Variants in NFIB observed in about 807,000 individuals in gnomAD.
NFIB encodes the protein nuclear factor I B.
NFIB carries 11 observed loss-of-function variants against 61.5 expected under a neutral mutation model. The ratio of observed to expected loss-of-function variants is 0.18; its 90% CI spans 0.11 to 0.30. The LOEUF (loss-of-function observed/expected upper bound fraction) is 0.30, where lower values mean the gene tolerates loss of function less well. NFIB is among the 10% of genes least tolerant of loss of function. The probability of loss-of-function intolerance (pLI) is 1.00; values close to 1 mark genes in which losing one functional copy is unlikely to be tolerated. For missense variants in NFIB, 471 were observed against 608.9 expected, an observed-to-expected ratio of 0.77 and a Z score of 2.38; for synonymous variants, 260 against 216.5, an observed-to-expected ratio of 1.20 and a Z score of -1.76.
chr9:14,266,862 T>C (rs563478381), intron 2 of NFIB, among the ~76,000 whole-genome samples: 2 of 152,342 alleles, frequency 1.3e-5, no homozygotes, highest in Admixed American at 1.3e-4. Context: ...TATTGATTTA[T>C]TATTACAAAT....
rs1308420142 is a variant in NFIB at position 14,326,928 on chromosome 9, T to C, written c.109-19408A>G. Among the ~76,000 whole-genome samples the C allele has an allele frequency of 1.3e-5, 2 of 152,194 alleles. 1 individual carries two copies. The highest frequency in any genetic ancestry group is 1.3e-4 in the Admixed American group (2 of 15,268). Reference sequence around the variant, plus strand: ...CTTCCTATCTTGCTTACTCACACTTTTGTGCAACTTTAGAATTTCAACCAT... The same window carrying C: ...CTTCCTATCTTGCTTACTCACACTTCTGTGCAACTTTAGAATTTCAACCAT... On this transcript the variant is annotated intron_variant, in intron 1 of 8. Transcript: ENST00000380934.
the NFIB span, among the ~76,000 whole-genome samples, chr9:14,467,530 TATCCTTTGTCCTGG>T: frequency 6.6e-6 from 1 of 152,218 alleles, no homozygotes; most frequent in South Asian, 2.1e-4. Context: ...GGTGAAGGGA[TATCCTTTGTCCTGG>T]TGCTATAGGG....
the NFIB span, among the ~76,000 whole-genome samples, chr9:14,526,592 CT>C: frequency 6.6e-6 from 1 of 152,142 alleles, no homozygotes; most frequent in Non-Finnish European, 1.5e-5. Flanking sequence ...TCCTGCCCTG[CT>C]AAATTTTCCT....
intron 2 of NFIB, among the ~76,000 whole-genome samples, chr9:14,252,131 A>C (rs2132141430): frequency 6.6e-6 from 1 of 152,320 alleles, no homozygotes; most frequent in Admixed American, 6.5e-5. Context: ...TCACTCCCTA[A>C]TGCAGAGAAT....
the NFIB span, among the ~76,000 whole-genome samples, chr9:14,427,530 A>G: frequency 2.2e-3 from 328 of 152,246 alleles, 1 homozygote; most frequent in Middle Eastern, 6.8e-3. Flanking sequence ...CATGTGCTCA[A>G]TCACTGGACT....
At chr9:14,178,529 C>CT (rs1386271123) in intron 3 of NFIB, among the ~76,000 whole-genome samples, 1 of 151,946 alleles carries the variant, frequency 6.6e-6, no homozygotes, top group African/African-American at 2.4e-5. Flanking sequence ...TTAATTAGAA[C>CT]TTTTTATCTT....
chr9:14,138,134 T>G (rs537880601), intron 6 of NFIB, among the ~76,000 whole-genome samples: 1 of 152,270 alleles, frequency 6.6e-6, no homozygotes, highest in African/African-American at 2.4e-5. Context: ...ATGAGTTTCT[T>G]AAGCATGATC....
chr9:14,508,007 TA>T, the NFIB span, among the ~76,000 whole-genome samples: 1 of 151,610 alleles, frequency 6.6e-6, no homozygotes. Flanking sequence ...TATATATATA[TA>T]TTCATGTCCT....
intron 2 of NFIB, among the ~76,000 whole-genome samples, chr9:14,194,032 T>A (rs1205356867): frequency 6.6e-6 from 1 of 152,208 alleles, no homozygotes; most frequent in African/African-American, 2.4e-5. Context: ...TTGGTGACAG[T>A]CACCACCAAA....
intron 1 of NFIB, among the ~76,000 whole-genome samples, chr9:14,329,883 G>A (rs545569889): frequency 2.2e-4 from 34 of 151,818 alleles, no homozygotes; most frequent in Non-Finnish European, 4.7e-4. Flanking sequence ...CAGCACTTTG[G>A]GAGGCTGAGG....
intron 1 of NFIB, among the ~76,000 whole-genome samples, chr9:14,361,141 C>G (rs1362885567): frequency 6.6e-6 from 1 of 151,600 alleles, no homozygotes; most frequent in Non-Finnish European, 1.5e-5. Context: ...TTGATGAGCA[C>G]ATTTTGGATG....
the NFIB span, among the ~76,000 whole-genome samples, chr9:14,492,730 T>C: frequency 4.6e-5 from 7 of 152,208 alleles, no homozygotes; most frequent in African/African-American, 1.4e-4. Context: ...ACCTCCATCA[T>C]TGGGGATTAC....
intron 4 of NFIB, 118 bp from the exon 5 acceptor site, chr9:14,150,383 C>G: frequency 1.3e-6 from 2 of 1,525,478 alleles, no homozygotes; most frequent in Non-Finnish European, 1.8e-6. Context: ...CTTTCTTCAC[C>G]TTAAGCCTCT....
the NFIB span, among the ~76,000 whole-genome samples, chr9:14,486,123 G>T: frequency 1.3e-5 from 2 of 152,168 alleles, no homozygotes; most frequent in Non-Finnish European, 2.9e-5. Flanking sequence ...ATAAGTAAAA[G>T]TTCTCTTGGT....
chr9:14,240,669 CT>C (rs2054257920), intron 2 of NFIB, among the ~76,000 whole-genome samples: 1 of 152,196 alleles, frequency 6.6e-6, no homozygotes, highest in South Asian at 2.1e-4. Flanking sequence ...GTTACAAACA[CT>C]TGGCAGCATG....
At chr9:14,413,489 A>G in the NFIB span, among the ~76,000 whole-genome samples, 1 of 152,172 alleles carries the variant, frequency 6.6e-6, no homozygotes, top group African/African-American at 2.4e-5. Context: ...CTAATTGTTT[A>G]ACCACAGAGA....
the NFIB span, among the ~76,000 whole-genome samples, chr9:14,521,102 A>T: frequency 1.2e-4 from 18 of 152,248 alleles, no homozygotes; most frequent in Non-Finnish European, 2.4e-4. Flanking sequence ...ATGCTTCTGC[A>T]TTGACAGGAA....
chr9:14,523,223 C>T, the NFIB span, among the ~76,000 whole-genome samples: 1 of 152,100 alleles, frequency 6.6e-6, no homozygotes, highest in Non-Finnish European at 1.5e-5. Flanking sequence ...TTTATAATAC[C>T]TGAGCACACT....
At chr9:14,136,913 T>C (rs1241877089) in intron 6 of NFIB, among the ~76,000 whole-genome samples, 1 of 152,160 alleles carries the variant, frequency 6.6e-6, no homozygotes, top group East Asian at 1.9e-4. Flanking sequence ...AGTGTTTAAG[T>C]TCAACCTAAA....
Sources: allele counts gnomAD v4.1 joint callset (sites outside exome capture counted in the v4.1 genomes callset), GRCh38; gene constraint gnomAD v4.1.1; transcripts MANE v1.5; gene names NCBI Gene and HGNC (gene_info 2026-07-23, HGNC 2026-07-21).